The following ZNF782 variants were observed in gnomAD, a reference collection of about 807,000 sequenced individuals.
ZNF782 encodes zinc finger protein 782.
In ZNF782, 12 loss-of-function variants were observed where a neutral mutation model predicts 13.0. The ratio of observed to expected loss-of-function variants is 0.92; its 90% CI spans 0.59 to 1.50. The LOEUF is 1.50. Among genes scored for constraint, ZNF782 ranks in the 40% most tolerant of loss-of-function variants. The pLI is 0.00. For missense variants in ZNF782, 770 were observed against 822.9 expected, an observed-to-expected ratio of 0.94 and a Z score of 0.79; for synonymous variants, 284 against 283.0, an observed-to-expected ratio of 1.00 and a Z score of -0.04.
At chr9:96,927,290 C>T in the ZNF782 span, among the ~76,000 whole-genome samples, 1 of 152,014 alleles carries the variant, frequency 6.6e-6, no homozygotes, top group African/African-American at 2.4e-5. Flanking sequence ...TCAGAATGGA[C>T]GTGGGTTGTG....
chr9:96,883,813 G>A, the ZNF782 span, among the ~76,000 whole-genome samples: 1 of 152,218 alleles, frequency 6.6e-6, no homozygotes, highest in Non-Finnish European at 1.5e-5. Context: ...GCTGTCCAGA[G>A]ACATCAAGAG....
At chr9:96,830,737 C>CA (rs1214316037) in intron 4 of ZNF782, among the ~76,000 whole-genome samples, 1 of 152,098 alleles carries the variant, frequency 6.6e-6, no homozygotes, top group Non-Finnish European at 1.5e-5. Flanking sequence ...TGAGCAAAGA[C>CA]AATCAATAGA....
the ZNF782 span, among the ~76,000 whole-genome samples, chr9:96,926,697 A>C: frequency 6.6e-6 from 1 of 152,146 alleles, no homozygotes; most frequent in Non-Finnish European, 1.5e-5. Flanking sequence ...CCCACAACCC[A>C]GGCAAGGAGG....
the ZNF782 span, among the ~76,000 whole-genome samples, chr9:96,928,100 AAAAG>A: frequency 1.3e-5 from 2 of 151,300 alleles, no homozygotes; most frequent in African/African-American, 4.9e-5. Flanking sequence ...GTGGCCAGAG[AAAAG>A]AGGTGGGAGG....
chr9:96,931,783 G>A, the ZNF782 span: 112 of 1,611,598 alleles, frequency 6.9e-5, no homozygotes, highest in African/African-American at 1.1e-3. Context: ...CTGTGTTCAC[G>A]GCTCTGCCCT....
intron 4 of ZNF782, among the ~76,000 whole-genome samples, chr9:96,838,004 G>A (rs910860487): frequency 2.6e-5 from 4 of 152,160 alleles, no homozygotes; most frequent in Non-Finnish European, 5.9e-5. Context: ...GGGATTATAG[G>A]TGTTAGCCTC....
chr9:96,921,433 T>C, the ZNF782 span, among the ~76,000 whole-genome samples: 1 of 141,792 alleles, frequency 7.1e-6, no homozygotes, highest in African/African-American at 2.6e-5. Flanking sequence ...CTCGGGAGGC[T>C]GAGGCAGGAG....
chr9:96,820,071 A>C (rs1167687013), intron 5 of ZNF782, among the ~76,000 whole-genome samples: 1 of 152,198 alleles, frequency 6.6e-6, no homozygotes, highest in East Asian at 1.9e-4. Flanking sequence ...ATGACTGAGA[A>C]TGGTGTATAC....
intron 4 of ZNF782, among the ~76,000 whole-genome samples, chr9:96,827,759 G>A (rs1281280555): frequency 6.6e-6 from 1 of 152,170 alleles, no homozygotes; most frequent in Non-Finnish European, 1.5e-5. Context: ...AAAAGGAACT[G>A]ATTTCCATAA....
the ZNF782 span, among the ~76,000 whole-genome samples, chr9:96,925,627 T>G: frequency 2.2e-5 from 2 of 91,646 alleles, no homozygotes; most frequent in African/African-American, 5.6e-5. Flanking sequence ...AGACTCTATC[T>G]CAAAAAAAAA....
Position 96,817,099 on chromosome 9 carries a change from A to T in ZNF782, c.*824T>A, listed in dbSNP as rs1390259650. 1 of 152,224 alleles carries T rather than the reference A, an allele frequency of 6.6e-6. No individual in the cohort carries two copies. Among genetic ancestry groups the T allele is most frequent in the South Asian group, 2.1e-4 (1 of 4,832 alleles). 9.4% of individuals were successfully genotyped at this position (152,224 alleles called of 1,614,324 possible). ...TCCTTCTCTGACCCGGGTTCCTACC[A>T]TCTTGTACTTTCCATCATCAGAGCC... On this transcript the variant is annotated 3_prime_UTR_variant, in exon 6 of 6. Transcript: ENST00000481138.
upstream of ZNF782, among the ~76,000 whole-genome samples, chr9:96,856,998 T>TG (rs1222509535): frequency 6.6e-6 from 1 of 152,182 alleles, no homozygotes; most frequent in African/African-American, 2.4e-5. Flanking sequence ...CAGCAGCCAC[T>TG]GGGGGGCTCT....
chr9:96,844,591 G>T (rs1054206047), intron 4 of ZNF782, among the ~76,000 whole-genome samples: 1 of 152,162 alleles, frequency 6.6e-6, no homozygotes, highest in Non-Finnish European at 1.5e-5. Context: ...AAGGGATGGA[G>T]GGAGGGGACT....
the ZNF782 span, among the ~76,000 whole-genome samples, chr9:96,907,596 C>T: frequency 6.6e-6 from 1 of 152,208 alleles, no homozygotes; most frequent in Non-Finnish European, 1.5e-5. Context: ...AAGTCTTCTC[C>T]AATACCACAC....
chr9:96,835,088 C>G (rs1160485531), intron 4 of ZNF782, among the ~76,000 whole-genome samples: 3 of 152,138 alleles, frequency 2.0e-5, no homozygotes, highest in Admixed American at 6.5e-5. Flanking sequence ...TACACAGTAG[C>G]AAAGAAGGTG....
chr9:96,931,869 T>G, the ZNF782 span: 2 of 1,612,372 alleles, frequency 1.2e-6, no homozygotes, highest in South Asian at 1.1e-5. Flanking sequence ...GGCCCTCTGG[T>G]GCTCTCTGCC....
the ZNF782 span, among the ~76,000 whole-genome samples, chr9:96,913,234 G>GAA: frequency 5.3e-5 from 8 of 152,030 alleles, no homozygotes; most frequent in African/African-American, 1.9e-4. Context: ...AGAACCACTT[G>GAA]AACCTGGGAG....
upstream of ZNF782, among the ~76,000 whole-genome samples, chr9:96,879,969 CCTTTT>C (rs1239118939): frequency 2.4e-4 from 36 of 151,772 alleles, no homozygotes; most frequent in African/African-American, 8.0e-4. Context: ...AATTTGTATG[CCTTTT>C]CTTTTCTTAC....
chr9:96,864,182 T>A (rs1458943767), intron 1 of ZNF782, among the ~76,000 whole-genome samples: 2 of 150,130 alleles, frequency 1.3e-5, no homozygotes, highest in Non-Finnish European at 3.0e-5. Flanking sequence ...ATTCAGAAAA[T>A]TTGCTGTTCC....
Sources: gnomAD v4.1 joint callset for allele counts (sites outside exome capture counted in the v4.1 genomes callset) on GRCh38, gnomAD v4.1.1 for gene constraint, MANE v1.5 for transcripts, NCBI Gene and HGNC (gene_info 2026-07-23, HGNC 2026-07-21) for gene names.